AKAP1: variants seen among roughly 807,000 people sequenced by gnomAD.
AKAP1 encodes A-kinase anchoring protein 1, also known as A-kinase anchor protein 1, mitochondrial.
In AKAP1, 32 loss-of-function variants were observed where a neutral mutation model predicts 79.8. The observed-to-expected ratio is 0.40, with a 90% confidence interval of 0.30 to 0.54. The LOEUF (loss-of-function observed/expected upper bound fraction) is 0.54, where lower values mean the gene tolerates loss of function less well. Among genes scored for constraint, AKAP1 ranks in the 20% least tolerant of loss-of-function variants. The pLI is 0.47. For missense variants in AKAP1, 961 were observed against 1,138.9 expected (o/e 0.84, Z 2.25); for synonymous variants, 416 against 466.7 (o/e 0.89, Z 1.40).
At position 57,120,548 on chromosome 17, in the gene AKAP1, C is replaced by A; in HGVS notation, c.*224C>A. 5.6e-6 allele frequency: 2 copies of A among 360,298 alleles called. No homozygotes were observed. Among genetic ancestry groups the A allele is most frequent in the East Asian group, 4.5e-5 (1 of 22,354 alleles). The allele number at this position is 360,298 out of a possible 1,614,324, so 22.3% of individuals were successfully genotyped here. ...GGATAGTGTTTAACAAGCCAGCTGG[C>A]TTATGCTGGTTCTCAGCTGTTTAAA... On this transcript the variant is annotated 3_prime_UTR_variant, in exon 11 of 11. Transcript: ENST00000337714.
Position 57,112,619 on chromosome 17 carries a change from G to A in AKAP1, c.2103+1G>A. 6.2e-7 allele frequency: 1 copy of A among 1,608,564 alleles called. No homozygotes were observed. Among genetic ancestry groups the A allele is most frequent in the South Asian group, 1.1e-5 (1 of 90,018 alleles). Reference sequence around the variant, plus strand: ...GCCTTCTCTGCCGATGACATCCTGGGTGAGCGTGCTACTGGGTGATCCGGA... The same window carrying A: ...GCCTTCTCTGCCGATGACATCCTGGATGAGCGTGCTACTGGGTGATCCGGA... On this transcript the variant is annotated splice_donor_variant, in intron 5 of 10. Transcript: ENST00000337714. LOFTEE classifies it high-confidence loss of function.
chr17:57,111,053 C>T (rs772855123), intron 3 of AKAP1, among the ~76,000 whole-genome samples: 2 of 152,026 alleles, frequency 1.3e-5, no homozygotes, highest in South Asian at 2.1e-4. Flanking sequence ...CCTGGGGGGC[C>T]CTGTTATCCG....
rs1490726433 is a variant in AKAP1 at position 57,121,208 on chromosome 17, A to G, written c.*884A>G. On this transcript the variant is annotated 3_prime_UTR_variant, in exon 11 of 11. Coordinates refer to ENST00000337714, the MANE Select transcript of AKAP1 (RefSeq NM_003488.4). ...GTGATCTGGGAACTTTTTGCTGTAC[A>G]AATCTGTTTAAAAAAAAAAAAAAGT... 6.6e-6 allele frequency: 1 copy of G among 151,858 alleles called. No individual in the cohort carries two copies. Among genetic ancestry groups the G allele is most frequent in the Non-Finnish European group, 1.5e-5 (1 of 68,004 alleles). The allele number at this position is 151,858 out of a possible 1,614,324, so 9.4% of individuals were successfully genotyped here. A position where few individuals can be genotyped will look rare whatever the true frequency, so the allele number is the denominator to read the frequency against.
intron 1 of AKAP1, among the ~76,000 whole-genome samples, chr17:57,090,738 A>G (rs1452963525): frequency 6.6e-6 from 1 of 152,190 alleles, no homozygotes; most frequent in East Asian, 1.9e-4. Context: ...CCAAAGCCAT[A>G]TTTTATCATC....
chr17:57,090,020 C>G (rs767357851), intron 1 of AKAP1, among the ~76,000 whole-genome samples: 1 of 152,348 alleles, frequency 6.6e-6, no homozygotes, highest in East Asian at 1.9e-4. Flanking sequence ...TGCGGCCCTT[C>G]TCTTAAACGA....
intron 3 of AKAP1, 72 bp from the exon 4 acceptor site, chr17:57,111,726 G>T (rs1208687800): frequency 6.4e-7 from 1 of 1,571,362 alleles, no homozygotes; most frequent in African/African-American, 1.4e-5. Context: ...GTGTAAAACA[G>T]AAGTAGGTCT....
chr17:57,114,142 G>C (rs1349064611), intron 5 of AKAP1, among the ~76,000 whole-genome samples: 1 of 152,156 alleles, frequency 6.6e-6, no homozygotes, highest in African/African-American at 2.4e-5. Context: ...CCCTGCCCAG[G>C]CCTGTGCAAG....
chr17:57,106,825 T>C lies in AKAP1; in HGVS notation c.1361T>C (p.Ile454Thr). The change falls in exon 2 of 11, where the codon ATC (isoleucine) becomes ACC (threonine). Residue 454 changes from isoleucine (I) to threonine (T), a missense_variant. By Grantham distance (89) the Ile-to-Thr change is moderately conservative (BLOSUM62 -1). Around this residue, in one of 3 missense-constraint regions of AKAP1, gnomAD observed 629 missense variants for 781.1 expected, o/e 0.81. Transcript: ENST00000337714. ...SSPTKDSKPN[I>T]SAHHISLASC... is the part of the protein sequence containing the mutation. ...CCCACCAAGGACAGTAAGCCAAATATCTCTGCACACCACATCTCCCTGGCC... is the reference window on the plus strand; with the variant it reads ...CCCACCAAGGACAGTAAGCCAAATACCTCTGCACACCACATCTCCCTGGCC... 6.2e-7 allele frequency: 1 copy of C among 1,614,052 alleles called. No individual in the cohort carries two copies. The highest frequency in any genetic ancestry group is 8.5e-7 in the Non-Finnish European group (1 of 1,180,018).
At chr17:57,107,815 T>C in intron 2 of AKAP1, 1 of 464,306 alleles carries the variant, frequency 2.2e-6, no homozygotes, top group Non-Finnish European at 4.0e-6. Flanking sequence ...CCTGCTTTCC[T>C]TCTCCAGAAG....
chr17:57,101,026 G>A (rs528068352), intron 1 of AKAP1, among the ~76,000 whole-genome samples: 15 of 152,108 alleles, frequency 9.9e-5, no homozygotes, highest in East Asian at 5.8e-4. Context: ...CAAAACTCCC[G>A]TCTCAAAAAA....
At chr17:57,100,705 C>T (rs1051391146) in intron 1 of AKAP1, among the ~76,000 whole-genome samples, 1 of 152,200 alleles carries the variant, frequency 6.6e-6, no homozygotes, top group African/African-American at 2.4e-5. Flanking sequence ...GGCATGTGCC[C>T]TGTTAGGTAG....
At chr17:57,092,489 C>T (rs1194249687) in intron 1 of AKAP1, 2 of 152,252 alleles carry the variant, frequency 1.3e-5, no homozygotes, top group African/African-American at 4.8e-5. Flanking sequence ...TTGAGGGAGC[C>T]TGAGAGTAAG....
Position 57,105,631 on chromosome 17 carries a change from A to T in AKAP1, c.167A>T (p.Glu56Val). 2 of 1,614,088 alleles carry T rather than the reference A, an allele frequency of 1.2e-6. No individual in the cohort carries two copies. Among genetic ancestry groups the T allele is most frequent in the South Asian group, 1.1e-5 (1 of 91,070 alleles). ...CTGAGGGCTGACCCTGCCATCAAGG[A>T]ACCTCTCCCCGTGGAAGACGTCTGT... is the stretch of plus-strand genomic sequence containing the variant. ...VQLRADPAIKEPLPVEDVCPK... is the reference protein window; with the variant it reads ...VQLRADPAIKVPLPVEDVCPK... The change falls in exon 2 of 11, where the codon GAA becomes GTA. Residue 56 changes from glutamate (E) to valine (V), a missense_variant. Glu to Val is a moderately radical substitution (Grantham distance 121). Around this residue, in one of 3 missense-constraint regions of AKAP1, gnomAD observed 108 missense variants for 147.6 expected, o/e 0.73. Transcript: ENST00000337714.
intron 6 of AKAP1, among the ~76,000 whole-genome samples, chr17:57,115,010 T>C (rs780973360): frequency 6.6e-6 from 1 of 152,168 alleles, no homozygotes; most frequent in East Asian, 1.9e-4. Flanking sequence ...ATACTGTATG[T>C]ATTACATATA....
At position 57,112,014 on chromosome 17, in the gene AKAP1, A is replaced by C. The variant is rs1162898523; in HGVS notation, c.1975+90A>C. 4.6e-6 allele frequency: 7 copies of C among 1,510,032 alleles called. No individual in the cohort carries two copies. In the Admixed American group the frequency reaches 1.3e-4, roughly 28 times the overall value. 93.5% of individuals were successfully genotyped at this position (1,510,032 alleles called of 1,614,324 possible). A position where few individuals can be genotyped will look rare whatever the true frequency, so the allele number is the denominator to read the frequency against. ...TGAGTTTCAATTGCTATCTTTTTGG[A>C]ATAGGAAACCCTGCTTCTCATCCCA... On this transcript the variant is annotated intron_variant, in intron 4 of 10. Transcript: ENST00000337714.
At position 57,091,044 on chromosome 17, in the gene AKAP1, G is replaced by T. The variant is rs73991763; in HGVS notation, c.-25+5646G>T. ...CCTTCTCTGGCCTGGGCCTGGATGT[G>T]CCTTTGTGAGGTTGGGTCGATGACA... On this transcript the variant is annotated intron_variant, in intron 1 of 10. Transcript: ENST00000337714. Among the ~76,000 whole-genome samples the T allele has an allele frequency of 9.4e-3, 1,433 of 152,326 alleles. 14 individuals carry two copies. Among genetic ancestry groups the T allele is most frequent in the Middle Eastern group, 0.024 (7 of 294 alleles).
At chr17:57,088,763 T>G (rs1378820984) in intron 1 of AKAP1, among the ~76,000 whole-genome samples, 1 of 152,244 alleles carries the variant, frequency 6.6e-6, no homozygotes, top group Non-Finnish European at 1.5e-5. Flanking sequence ...TTGCCTTAAC[T>G]TTTTCATTTT....
rs575169432 is a variant in AKAP1 at position 57,118,897 on chromosome 17, G to A, written c.2575-85G>A. 160 of 1,455,560 alleles carry A rather than the reference G, an allele frequency of 1.1e-4. No individual in the cohort carries two copies. In the East Asian group the frequency reaches 3.3e-3, roughly 30 times the overall value. The allele number at this position is 1,455,560 out of a possible 1,614,324, so 90.2% of individuals were successfully genotyped here. On this transcript the variant is annotated intron_variant, in intron 9 of 10. Transcript: ENST00000337714. ...ACCAGGTCTCTCCCTCGACACATGG[G>A]GATTATGGAGATGACAATTCAAGAT...
In AKAP1 at chr17:57,121,309, A is replaced by C. The variant is rs1915906056; in HGVS notation, c.*985A>C. ...CTTCAGCATTGTGCAGTTTAAAAATAAGTAAGTAACTTACATAAATCTTCA... is the reference window on the plus strand; with the variant it reads ...CTTCAGCATTGTGCAGTTTAAAAATCAGTAAGTAACTTACATAAATCTTCA... On this transcript the variant is annotated 3_prime_UTR_variant, in exon 11 of 11. Transcript: ENST00000337714. 6.6e-6 allele frequency: 1 copy of C among 151,822 alleles called. No homozygotes were observed. The highest frequency in any genetic ancestry group is 6.6e-5 in the Admixed American group (1 of 15,246). 9.4% of individuals were successfully genotyped at this position (151,822 alleles called of 1,614,324 possible). A position where few individuals can be genotyped will look rare whatever the true frequency, so the allele number is the denominator to read the frequency against.
Sources: allele counts gnomAD v4.1 joint callset (sites outside exome capture counted in the v4.1 genomes callset), GRCh38; gene constraint gnomAD v4.1.1; regional missense constraint gnomAD v4.1.1; transcripts MANE v1.5; gene names NCBI Gene and HGNC (gene_info 2026-07-23, HGNC 2026-07-21).